The following UTP20 variants were observed in gnomAD, a reference collection of about 807,000 sequenced individuals.
The protein encoded by UTP20 is small subunit processome component 20 homolog.
UTP20 carries 164 observed loss-of-function variants against 329.5 expected under a neutral mutation model. The ratio of observed to expected loss-of-function variants is 0.50; its 90% confidence interval spans 0.44 to 0.57. The LOEUF is 0.57. Ranked by LOEUF, UTP20 falls within the 20% of genes least tolerant of loss-of-function variation. The pLI is 0.00. For synonymous variants in UTP20, 1,151 were observed against 1,159.3 expected (o/e 0.99, Z 0.14); for missense variants, 3,055 against 3,284.2 (o/e 0.93, Z 1.71).
chr12:101,362,149 C>A, intron 44 of UTP20, 89 bp downstream of exon 44: 4 of 946,282 alleles, frequency 4.2e-6, no homozygotes, highest in Non-Finnish European at 6.6e-6. Context: ...ATAATAATAG[C>A]CCATAAAAAT....
intron 21 of UTP20, 27 bp from the exon 22 acceptor site, chr12:101,317,451 T>C (rs1873007215): frequency 6.2e-7 from 1 of 1,610,638 alleles, no homozygotes; most frequent in Non-Finnish European, 8.5e-7. Flanking sequence ...TCTTCATCAG[T>C]ATCCTGTGAC....
intron 30 of UTP20, 80 bp downstream of exon 30, chr12:101,338,357 T>G: frequency 6.9e-7 from 1 of 1,439,562 alleles, no homozygotes; most frequent in Non-Finnish European, 9.7e-7. Flanking sequence ...AAAATCAGTA[T>G]AATTTGACTC....
intron 42 of UTP20, 53 bp from the exon 43 acceptor site, chr12:101,356,873 T>C: frequency 6.4e-7 from 1 of 1,562,186 alleles, no homozygotes; most frequent in Non-Finnish European, 8.7e-7. Flanking sequence ...TATGTGTATG[T>C]TTAATTGCTT....
chr12:101,281,491 G>T (rs1871796110), intron 2 of UTP20, among the ~76,000 whole-genome samples: 1 of 152,154 alleles, frequency 6.6e-6, no homozygotes, highest in South Asian at 2.1e-4. Context: ...TTGACTTTCA[G>T]CTGTCTTTGT....
chr12:101,340,716 G>T (rs886070949), intron 32 of UTP20, 106 bp downstream of exon 32: 5 of 709,534 alleles, frequency 7.0e-6, no homozygotes, highest in South Asian at 1.7e-5. Context: ...TGCATTTGTC[G>T]CAAGGAACTT....
Position 101,363,642 on chromosome 12 carries a change from G to A in UTP20, c.5857G>A (p.Val1953Ile), listed in dbSNP as rs1869997647. Residue 1953 changes from valine (V) to isoleucine (I), a missense_variant, in exon 45 of 62, where the codon GTC becomes ATC. Val to Ile is a conservative substitution (Grantham distance 29). Coordinates refer to ENST00000261637, the MANE Select transcript of UTP20 (RefSeq NM_014503.3). Reference protein sequence around the residue: ...EKEVKQILSKVMEARRSKSYD... With the variant: ...EKEVKQILSKIMEARRSKSYD... Reference sequence around the variant, plus strand: ...GGAAGTAAAGCAGATCCTCTCCAAAGTCATGGAAGCACGAAGAAGCAAAAG... The same window carrying A: ...GGAAGTAAAGCAGATCCTCTCCAAAATCATGGAAGCACGAAGAAGCAAAAG... 1.9e-6 allele frequency: 3 copies of A among 1,614,124 alleles called. No individual in the cohort carries two copies. Among genetic ancestry groups the A allele is most frequent in the African/African-American group, 2.7e-5 (2 of 75,038 alleles).
In UTP20 at chr12:101,354,853, T is replaced by C; in HGVS notation, c.5129T>C (p.Leu1710Ser). Reference protein sequence around the residue: ...NEENAIEAIELPEPEAMELER... With the variant: ...NEENAIEAIESPEPEAMELER... ...ATAGACGCAATTGAAGCAATTGAGTTACCAGAGCCTGAGGCCATGGAATTA... is the reference window on the plus strand; with the variant it reads ...ATAGACGCAATTGAAGCAATTGAGTCACCAGAGCCTGAGGCCATGGAATTA... The change falls in exon 41 of 62, where the codon TTA (leucine) becomes TCA (serine). Residue 1710 changes from leucine (L) to serine (S), a missense_variant. This residue lies in a region of UTP20 where 2,445 missense variants were observed against 2,575.5 expected (regional missense o/e 0.95). Transcript: ENST00000261637. 6.2e-7 allele frequency: 1 copy of C among 1,613,582 alleles called. No homozygotes were observed. The highest frequency in any genetic ancestry group is 2.2e-5 in the East Asian group (1 of 44,874).
intron 21 of UTP20, among the ~76,000 whole-genome samples, chr12:101,312,805 C>G (rs1872837246): frequency 6.6e-6 from 1 of 152,202 alleles, no homozygotes; most frequent in Non-Finnish European, 1.5e-5. Context: ...AGCACTGGCT[C>G]TATCAGATAA....
chr12:101,365,638 A>G lies in UTP20; in HGVS notation c.6125+13A>G, dbSNP rs1206886668. 6.4e-7 allele frequency: 1 copy of G among 1,550,732 alleles called. No individual in the cohort carries two copies. Among genetic ancestry groups the G allele is most frequent in the Non-Finnish European group, 8.7e-7 (1 of 1,153,756 alleles). On this transcript the variant is annotated intron_variant, in intron 46 of 61. Coordinates refer to ENST00000261637, the MANE Select transcript of UTP20 (RefSeq NM_014503.3). ...CAGAGAAAGAAAAGTAAGTTGGAAA[A>G]AAAACAAACTGTCATTTAGGTCTCT...
intron 5 of UTP20, among the ~76,000 whole-genome samples, chr12:101,287,553 T>C (rs1035786823): frequency 6.6e-6 from 1 of 152,238 alleles, no homozygotes; most frequent in South Asian, 2.1e-4. Context: ...TTAAATCAAC[T>C]CCTCTTATCT....
Position 101,356,916 on chromosome 12 carries a change from C to T in UTP20, c.5535-10C>T, listed in dbSNP as rs1206342008. 1.2e-6 allele frequency: 2 copies of T among 1,600,046 alleles called. No individual in the cohort carries two copies. Among genetic ancestry groups the T allele is most frequent in the African/African-American group, 1.3e-5 (1 of 74,226 alleles). Reference sequence around the variant, plus strand: ...TTTGATTAGTCATTTTTCAACTTCTCATTTTCTAGTATTTTGCTGAAAGTG... The same window carrying T: ...TTTGATTAGTCATTTTTCAACTTCTTATTTTCTAGTATTTTGCTGAAAGTG... On this transcript the variant is annotated splice_polypyrimidine_tract_variant and intron_variant, in intron 42 of 61. Transcript: ENST00000261637.
At chr12:101,308,112 G>C in intron 17 of UTP20, 73 bp from the exon 18 acceptor site, 1 of 1,320,590 alleles carries the variant, frequency 7.6e-7, no homozygotes, top group South Asian at 2.1e-5. Flanking sequence ...TAGACCTTTG[G>C]TCACATTTAA....
At chr12:101,367,502 A>C (rs1870135547) in intron 47 of UTP20, among the ~76,000 whole-genome samples, 1 of 152,020 alleles carries the variant, frequency 6.6e-6, no homozygotes, top group East Asian at 1.9e-4. Context: ...AGAACTCTCA[A>C]AGCACCCTAC....
At chr12:101,283,189 T>A (rs1451157419) in intron 2 of UTP20, among the ~76,000 whole-genome samples, 1 of 152,182 alleles carries the variant, frequency 6.6e-6, no homozygotes, top group African/African-American at 2.4e-5. Context: ...GTTGAAGGTA[T>A]CAAGAGGCAG....
At chr12:101,361,654 A>C (rs967066227) in intron 43 of UTP20, among the ~76,000 whole-genome samples, 2 of 128,110 alleles carry the variant, frequency 1.6e-5, no homozygotes, top group Non-Finnish European at 3.5e-5. Context: ...TAAATAAATA[A>C]ATAAATAAAT....
At chr12:101,365,405 A>C in intron 45 of UTP20, 54 bp from the exon 46 acceptor site, 4 of 1,371,384 alleles carry the variant, frequency 2.9e-6, no homozygotes, top group Non-Finnish European at 2.9e-6. Context: ...CATTATGACA[A>C]ATCAAAATGC....
intron 45 of UTP20, 94 bp from the exon 46 acceptor site, chr12:101,365,360 GTATAT>G: frequency 1.2e-6 from 1 of 804,534 alleles, no homozygotes. Flanking sequence ...AAAGCCAAAC[GTATAT>G]TAGAAAGCTA....
Position 101,308,203 on chromosome 12 carries a change from C to T in UTP20, c.2014C>T (p.Arg672Trp), listed in dbSNP as rs77466434. Residue 672 changes from arginine to tryptophan, a missense_variant, in exon 18 of 62, where the codon CGG becomes TGG. Around this residue, in one of 3 missense-constraint regions of UTP20, gnomAD observed 2,445 missense variants for 2,575.5 expected, o/e 0.95. Transcript: ENST00000261637. ...ESMEDDGLSE[R>W]QSVFAILRQA... is the part of the protein sequence containing the mutation. ...TATTCAGGATGATGGGCTCTCAGAGCGGCAGTCTGTCTTTGCTATATTACG... is the reference window on the plus strand; with the variant it reads ...TATTCAGGATGATGGGCTCTCAGAGTGGCAGTCTGTCTTTGCTATATTACG... 351 of 1,609,342 alleles carry T rather than the reference C, an allele frequency of 2.2e-4. No individual in the cohort carries two copies. In the African/African-American group the frequency reaches 3.9e-3, roughly 18 times the overall value.
intron 36 of UTP20, among the ~76,000 whole-genome samples, chr12:101,345,087 AG>A (rs1281435520): frequency 3.3e-5 from 5 of 152,000 alleles, no homozygotes; most frequent in East Asian, 1.9e-4. Context: ...CCGGGATTAC[AG>A]GCACATGCCA....
Sources: gnomAD v4.1 joint callset for allele counts (sites outside exome capture counted in the v4.1 genomes callset) on GRCh38, gnomAD v4.1.1 for gene constraint, gnomAD v4.1.1 regional missense constraint, MANE v1.5 for transcripts, NCBI Gene and HGNC (gene_info 2026-07-23, HGNC 2026-07-21) for gene names.